Variants in CNBD1 observed in about 807,000 individuals in gnomAD.
CNBD1 encodes the protein cyclic nucleotide-binding domain-containing protein 1.
In CNBD1, 71 loss-of-function variants were observed where a neutral mutation model predicts 54.4. That is an observed-to-expected ratio of 1.30 (90% CI 1.08 to 1.59). CNBD1 has a LOEUF of 1.59. Among genes scored for constraint, CNBD1 ranks in the 40% most tolerant of loss-of-function variants. The probability of loss-of-function intolerance (pLI) is 0.00; values close to 1 mark genes in which losing one functional copy is unlikely to be tolerated. For synonymous variants in CNBD1, 182 were observed against 170.7 expected (o/e 1.07, Z -0.51); for missense variants, 659 against 518.0 (o/e 1.27, Z -2.64).
At chr8:87,256,002 TATATATATATA>T (rs1563526054) in intron 6 of CNBD1, among the ~76,000 whole-genome samples, 21 of 17,754 alleles carry the variant, frequency 1.2e-3, no homozygotes, top group African/African-American at 5.7e-3. Flanking sequence ...TATATATATA[TATATATATATA>T]TATTTTTTTT....
intron 4 of CNBD1, among the ~76,000 whole-genome samples, chr8:86,987,977 TC>T (rs1808646047): frequency 6.6e-6 from 1 of 152,074 alleles, no homozygotes; most frequent in South Asian, 2.1e-4. Context: ...TTGTCAGTCT[TC>T]CCGATTTTGG....
At chr8:87,310,281 G>A (rs181212659) in intron 8 of CNBD1, among the ~76,000 whole-genome samples, 11 of 152,098 alleles carry the variant, frequency 7.2e-5, no homozygotes, top group Non-Finnish European at 4.4e-5. Context: ...CTTGACCCCA[G>A]GAGGTAGAGG....
intron 4 of CNBD1, among the ~76,000 whole-genome samples, chr8:87,129,476 A>G (rs1812072339): frequency 6.6e-6 from 1 of 151,772 alleles, no homozygotes; most frequent in African/African-American, 2.4e-5. Context: ...CAGTTGTCTC[A>G]TTTGTTCTTG....
At chr8:87,373,197 A>G (rs962426372) in intron 10 of CNBD1, among the ~76,000 whole-genome samples, 2 of 151,798 alleles carry the variant, frequency 1.3e-5, no homozygotes, top group African/African-American at 4.8e-5. Flanking sequence ...AATGTTATTG[A>G]AAAGTAGACT....
chr8:87,418,612 A>G (rs991272693), intron 2 of CNBD1, among the ~76,000 whole-genome samples: 1 of 151,986 alleles, frequency 6.6e-6, no homozygotes, highest in Non-Finnish European at 1.5e-5. Context: ...AATCACATAT[A>G]TGATTAGGAT....
In CNBD1 at chr8:86,868,120, A is replaced by G. The variant is rs535985344; in HGVS notation, c.88+1537A>G. Among the ~76,000 whole-genome samples, 5 of 152,306 alleles carry G rather than the reference A, an allele frequency of 3.3e-5. No individual in the cohort carries two copies. In the South Asian group the frequency reaches 6.2e-4, roughly 19 times the overall value. On this transcript the variant is annotated intron_variant, in intron 1 of 10. Coordinates refer to ENST00000518476, the MANE Select transcript of CNBD1 (RefSeq NM_173538.3). The stretch of plus-strand genomic sequence containing the variant: ...TGAAACAATGATCTCATGGAAGCCA[A>G]TGTGTAATGAATGCTTTCAATTTAT...
chr8:87,070,356 T>C (rs1185384831), intron 4 of CNBD1, among the ~76,000 whole-genome samples: 2 of 152,060 alleles, frequency 1.3e-5, no homozygotes, highest in South Asian at 2.1e-4. Context: ...ACCTTTGGAA[T>C]TGTTGAAGGA....
chr8:87,228,155 A>G (rs1365472258), intron 5 of CNBD1, among the ~76,000 whole-genome samples: 5 of 150,350 alleles, frequency 3.3e-5, no homozygotes, highest in Non-Finnish European at 7.4e-5. Flanking sequence ...AATTTTTTTC[A>G]AAGTTTTCTA....
At chr8:87,011,886 G>A (rs1441243693) in intron 4 of CNBD1, among the ~76,000 whole-genome samples, 1 of 152,072 alleles carries the variant, frequency 6.6e-6, no homozygotes, top group Non-Finnish European at 1.5e-5. Flanking sequence ...AATTTTACAT[G>A]GAATAATTTG....
intron 4 of CNBD1, among the ~76,000 whole-genome samples, chr8:87,137,378 T>G (rs1812277942): frequency 6.6e-6 from 1 of 151,564 alleles, no homozygotes; most frequent in Admixed American, 6.6e-5. Flanking sequence ...TTTGAATTTT[T>G]TTTTTTAGTA....
intron 2 of CNBD1, among the ~76,000 whole-genome samples, chr8:87,427,360 G>C (rs542389082): frequency 1.3e-5 from 2 of 152,016 alleles, no homozygotes; most frequent in Non-Finnish European, 1.5e-5. Context: ...AAAATATTAA[G>C]TTACACCATG....
At chr8:87,057,047 C>T (rs1810430140) in intron 4 of CNBD1, among the ~76,000 whole-genome samples, 1 of 152,030 alleles carries the variant, frequency 6.6e-6, no homozygotes, top group African/African-American at 2.4e-5. Flanking sequence ...TATTATATTT[C>T]ATAAGACTTA....
chr8:87,264,248 T>C (rs1171393645), intron 6 of CNBD1, among the ~76,000 whole-genome samples: 3 of 151,790 alleles, frequency 2.0e-5, no homozygotes, highest in Non-Finnish European at 4.4e-5. Flanking sequence ...ACATGTGGTG[T>C]TTGGTTTTTT....
chr8:87,294,858 T>C (rs1402113569), intron 8 of CNBD1, among the ~76,000 whole-genome samples: 1 of 152,076 alleles, frequency 6.6e-6, no homozygotes, highest in Non-Finnish European at 1.5e-5. Flanking sequence ...CATCTAAAGG[T>C]ACAAATTCAG....
chr8:87,384,761 G>A (rs1430768481), downstream of CNBD1, among the ~76,000 whole-genome samples: 3 of 152,028 alleles, frequency 2.0e-5, no homozygotes, highest in African/African-American at 7.2e-5. Flanking sequence ...CAGACCTGAA[G>A]GAAGTGAAAG....
At chr8:86,941,356 G>A (rs1195246082) in intron 4 of CNBD1, among the ~76,000 whole-genome samples, 2 of 152,112 alleles carry the variant, frequency 1.3e-5, no homozygotes, top group Non-Finnish European at 2.9e-5. Flanking sequence ...AACACTGAAA[G>A]TGATCTAAGG....
chr8:87,337,875 A>G (rs950442135), intron 8 of CNBD1, among the ~76,000 whole-genome samples: 8 of 152,254 alleles, frequency 5.3e-5, no homozygotes, highest in Non-Finnish European at 1.0e-4. Context: ...TATCTTTCCA[A>G]TGGGATTCTT....
At chr8:87,299,574 C>A (rs1487682779) in intron 8 of CNBD1, among the ~76,000 whole-genome samples, 3 of 152,140 alleles carry the variant, frequency 2.0e-5, no homozygotes, top group African/African-American at 7.2e-5. Context: ...CCCAGAAAAT[C>A]ATAGATTAAA....
At chr8:86,988,325 G>A (rs1462180536) in intron 4 of CNBD1, among the ~76,000 whole-genome samples, 1 of 151,730 alleles carries the variant, frequency 6.6e-6, no homozygotes, top group Non-Finnish European at 1.5e-5. Flanking sequence ...AGGATCTTTT[G>A]TGTTTTTTGG....
Sources: allele counts gnomAD v4.1 joint callset (sites outside exome capture counted in the v4.1 genomes callset), GRCh38; gene constraint gnomAD v4.1.1; transcripts MANE v1.5; gene names NCBI Gene and HGNC (gene_info 2026-07-23, HGNC 2026-07-21).